Variants in HDAC4 observed in about 807,000 individuals in gnomAD.
HDAC4 encodes histone deacetylase A.
HDAC4 carries 16 observed loss-of-function variants against 135.1 expected under a neutral mutation model. That is an observed-to-expected ratio of 0.12 (90% CI 0.08 to 0.18). The LOEUF is 0.18. Among genes scored for constraint, HDAC4 ranks in the 10% least tolerant of loss-of-function variants. The pLI, the probability that HDAC4 is intolerant of heterozygous loss-of-function variation, is 1.00. For synonymous variants in HDAC4, 685 were observed against 653.4 expected (o/e 1.05, Z -0.74); for missense variants, 1,143 against 1,511.8 (o/e 0.76, Z 4.05).
chr2:239,368,788 G>C (rs561294279), intron 1 of HDAC4, among the ~76,000 whole-genome samples: 4 of 152,242 alleles, frequency 2.6e-5, no homozygotes, highest in African/African-American at 9.6e-5. Flanking sequence ...TAAGTGTTGC[G>C]TTCTTTCGGA....
intron 24 of HDAC4, among the ~76,000 whole-genome samples, chr2:239,064,682 C>T (rs2033241840): frequency 6.6e-6 from 1 of 152,224 alleles, no homozygotes. Context: ...ACCTGCTTCC[C>T]AGGGACAGAC....
At chr2:239,077,288 C>G (rs1406225444) in intron 22 of HDAC4, among the ~76,000 whole-genome samples, 1 of 152,250 alleles carries the variant, frequency 6.6e-6, no homozygotes, top group Non-Finnish European at 1.5e-5. Flanking sequence ...CGGGACGGCC[C>G]TTCTCCCATA....
chr2:239,238,990 T>C (rs2048766), intron 2 of HDAC4, among the ~76,000 whole-genome samples: 46,167 of 152,142 alleles, frequency 0.3, 7,897 homozygotes, highest in East Asian at 0.48. Context: ...GATAACAGCA[T>C]GTGGATTCCC....
intron 1 of HDAC4, among the ~76,000 whole-genome samples, chr2:239,392,436 A>G (rs1696291120): frequency 6.6e-6 from 1 of 152,154 alleles, no homozygotes; most frequent in Admixed American, 6.5e-5. Flanking sequence ...TCTGATGTAA[A>G]TTTTATAGTA....
At chr2:239,377,805 G>A (rs570690098) in intron 1 of HDAC4, among the ~76,000 whole-genome samples, 5 of 152,196 alleles carry the variant, frequency 3.3e-5, no homozygotes, top group South Asian at 2.1e-4. Flanking sequence ...AACTGGGCAC[G>A]GCCAGGCAGA....
At chr2:239,246,652 C>T (rs962041239) in intron 2 of HDAC4, among the ~76,000 whole-genome samples, 1 of 152,238 alleles carries the variant, frequency 6.6e-6, no homozygotes, top group African/African-American at 2.4e-5. Context: ...TGTCTCAGGG[C>T]CTCTCCTAGA....
intron 5 of HDAC4, among the ~76,000 whole-genome samples, chr2:239,166,752 C>G (rs1256398691): frequency 6.6e-6 from 1 of 152,118 alleles, no homozygotes; most frequent in Non-Finnish European, 1.5e-5. Context: ...CAAACTGCCT[C>G]CACAACTAGG....
chr2:239,118,920 T>C (rs1056958033), intron 12 of HDAC4, among the ~76,000 whole-genome samples: 1 of 152,182 alleles, frequency 6.6e-6, no homozygotes, highest in African/African-American at 2.4e-5. Flanking sequence ...TCCTGCACAC[T>C]GAGAGCCTGA....
At chr2:239,089,566 A>G (rs2036301231) in intron 18 of HDAC4, 1 of 158,014 alleles carries the variant, frequency 6.3e-6, no homozygotes, top group Non-Finnish European at 1.4e-5. Flanking sequence ...ACCTCAGGTG[A>G]TCCCCCTGCC....
intron 2 of HDAC4, among the ~76,000 whole-genome samples, chr2:239,344,726 C>T (rs969205770): frequency 2.6e-5 from 4 of 152,172 alleles, no homozygotes; most frequent in East Asian, 3.9e-4. Flanking sequence ...CGTCAGAAAA[C>T]GTACACAAGT....
rs779460671 is a variant in HDAC4 at position 239,134,546 on chromosome 2, G to C, written c.1076C>G (p.Pro359Arg). ...PSLPNITLGL[P>R]ATGPSAGTAG... ...ACTTACCGCAGAGGGGCCGGTGGCA[G>C]GCAGGCCCAGCGTGATGTTGGGCAA... Residue 359 changes from proline to arginine, a missense_variant, in exon 10 of 27, where the codon CCT becomes CGT. Coordinates refer to ENST00000543185, the MANE Select transcript of HDAC4 (RefSeq NM_001378414.1). The C allele has an allele frequency of 6.2e-7, 1 of 1,614,088 alleles. No individual in the cohort carries two copies. Among genetic ancestry groups the C allele is most frequent in the South Asian group, 1.1e-5 (1 of 91,084 alleles).
chr2:239,067,151 G>C (rs965908397), intron 23 of HDAC4, among the ~76,000 whole-genome samples: 1 of 152,224 alleles, frequency 6.6e-6, no homozygotes, highest in Non-Finnish European at 1.5e-5. Flanking sequence ...CCTGCCCTTC[G>C]GCCCCCGCAG....
chr2:239,260,409 G>A (rs1204015797), intron 2 of HDAC4, among the ~76,000 whole-genome samples: 7 of 152,312 alleles, frequency 4.6e-5, no homozygotes, highest in Non-Finnish European at 7.4e-5. Context: ...GTGCTGATAC[G>A]AGTATTAACT....
chr2:239,386,616 A>G (rs146160584), intron 1 of HDAC4, among the ~76,000 whole-genome samples: 2 of 152,306 alleles, frequency 1.3e-5, no homozygotes, highest in East Asian at 3.9e-4. Flanking sequence ...CTGGGCCTGA[A>G]ATTTAACAAT....
At chr2:239,131,019 G>T (rs1175121737) in intron 11 of HDAC4, among the ~76,000 whole-genome samples, 1 of 152,214 alleles carries the variant, frequency 6.6e-6, no homozygotes, top group Non-Finnish European at 1.5e-5. Flanking sequence ...CTAGTTATGC[G>T]GAGACTAATC....
chr2:239,093,270 A>G (rs1452401302), intron 17 of HDAC4, among the ~76,000 whole-genome samples: 1 of 152,134 alleles, frequency 6.6e-6, no homozygotes, highest in Non-Finnish European at 1.5e-5. Flanking sequence ...TGCCTCCGGG[A>G]GAGTTTGCAG....
intron 3 of HDAC4, among the ~76,000 whole-genome samples, chr2:239,194,436 G>A (rs1313635544): frequency 2.6e-5 from 4 of 152,282 alleles, no homozygotes; most frequent in Admixed American, 2.0e-4. Context: ...CTGCTGCCGG[G>A]GAATTCTCTT....
chr2:239,272,327 A>G (rs1345980089), intron 2 of HDAC4, among the ~76,000 whole-genome samples: 1 of 152,262 alleles, frequency 6.6e-6, no homozygotes, highest in Non-Finnish European at 1.5e-5. Flanking sequence ...ACAGGATACC[A>G]GCAAAATAAA....
chr2:239,345,893 C>T (rs1235911854), intron 2 of HDAC4, among the ~76,000 whole-genome samples: 1 of 141,214 alleles, frequency 7.1e-6, no homozygotes, highest in Non-Finnish European at 1.5e-5. Flanking sequence ...CCGTCTAAAA[C>T]ACACACACAC....
Sources: gnomAD v4.1 joint callset for allele counts (sites outside exome capture counted in the v4.1 genomes callset) on GRCh38, gnomAD v4.1.1 for gene constraint, MANE v1.5 for transcripts, NCBI Gene and HGNC (gene_info 2026-07-23, HGNC 2026-07-21) for gene names.